The following FAT4 variants were observed in gnomAD, a reference collection of about 807,000 sequenced individuals.
The protein encoded by FAT4 is FAT atypical cadherin 4.
A neutral mutation model predicts 303.9 loss-of-function variants in FAT4; 84 were observed. The ratio of observed to expected loss-of-function variants is 0.28; its 90% CI spans 0.23 to 0.33. The LOEUF is 0.33. Among genes scored for constraint, FAT4 ranks in the 10% least tolerant of loss-of-function variants. The pLI, the probability that FAT4 is intolerant of heterozygous loss-of-function variation, is 1.00. For missense variants in FAT4, 6,005 were observed against 6,146.8 expected, an observed-to-expected ratio of 0.98 and a Z score of 0.77; for synonymous variants, 2,307 against 2,298.8, an observed-to-expected ratio of 1.00 and a Z score of -0.10.
chr4:125,440,644 A>AGAGAGAGAGAGAGAGAGAGAG (rs1385928096), intron 8 of FAT4, among the ~76,000 whole-genome samples: 1 of 149,682 alleles, frequency 6.7e-6, no homozygotes, highest in African/African-American at 2.5e-5. Context: ...AGAGAGAGAG[A>AGAGAGAGAGAGAGAGAGAGAG]ATTTATTCCA....
chr4:125,385,824 T>A (rs529366718), intron 2 of FAT4, among the ~76,000 whole-genome samples: 6 of 152,202 alleles, frequency 3.9e-5, no homozygotes, highest in Non-Finnish European at 8.8e-5. Flanking sequence ...AGTCAATTTT[T>A]AAAAAAAATT....
intron 2 of FAT4, among the ~76,000 whole-genome samples, chr4:125,374,722 A>G (rs867046361): frequency 6.6e-6 from 1 of 152,194 alleles, no homozygotes; most frequent in Admixed American, 6.6e-5. Context: ...ATAGTATTGC[A>G]TCAATATTTG....
intron 14 of FAT4, among the ~76,000 whole-genome samples, chr4:125,478,076 T>C (rs1308870067): frequency 6.6e-6 from 1 of 152,210 alleles, no homozygotes; most frequent in African/African-American, 2.4e-5. Flanking sequence ...TTTATTAATA[T>C]ACCAATTACC....
rs1406196386 is a variant in FAT4 at position 125,318,982 on chromosome 4, A to G, written c.2571A>G (p.Glu857=). The change falls in exon 2 of 18, where the codon GAA becomes GAG. Residue 857 remains glutamate (E), a synonymous_variant. Coordinates refer to ENST00000394329, the MANE Select transcript of FAT4 (RefSeq NM_001291303.3). ...QLTTANVIDR[E]EQSFYQLKVV... is the part of the protein sequence containing the mutation. The stretch of plus-strand genomic sequence containing the variant: ...CCACAGCAAATGTGATTGATAGAGA[A>G]GAGCAATCCTTTTATCAGCTGAAGG... 2.5e-6 allele frequency: 4 copies of G among 1,614,086 alleles called. No individual in the cohort carries two copies. In the African/African-American group the frequency reaches 5.3e-5, roughly 22 times the overall value.
intron 2 of FAT4, among the ~76,000 whole-genome samples, chr4:125,352,677 C>A (rs1030855390): frequency 2.6e-5 from 4 of 151,752 alleles, no homozygotes; most frequent in African/African-American, 7.2e-5. Context: ...GAGACAAGTT[C>A]TTCAGATTGC....
chr4:125,376,511 A>G (rs941175958), intron 2 of FAT4, among the ~76,000 whole-genome samples: 2 of 152,180 alleles, frequency 1.3e-5, no homozygotes, highest in Admixed American at 1.3e-4. Context: ...TGACGAGTTA[A>G]TGGGTGCAGT....
chr4:125,421,108 G>C (rs1724861622), intron 7 of FAT4, among the ~76,000 whole-genome samples: 1 of 152,070 alleles, frequency 6.6e-6, no homozygotes, highest in African/African-American at 2.4e-5. Flanking sequence ...TATTTTAGTA[G>C]AGACAGGGTT....
At position 125,492,411 on chromosome 4, in the gene FAT4, T is replaced by C. The variant is rs1727685043; in HGVS notation, c.*643T>C. 6.6e-6 allele frequency: 1 copy of C among 152,384 alleles called. No individual in the cohort carries two copies. Among genetic ancestry groups the C allele is most frequent in the Non-Finnish European group, 1.5e-5 (1 of 68,158 alleles). The allele number at this position is 152,384 out of a possible 1,614,324, so 9.4% of individuals were successfully genotyped here. On this transcript the variant is annotated 3_prime_UTR_variant, in exon 18 of 18. Transcript: ENST00000394329. ...TTCTGGATCCTTGAGCAAATGATTATAGTCTCCTGACTTTCATGAGGCTTC... is the reference window on the plus strand; with the variant it reads ...TTCTGGATCCTTGAGCAAATGATTACAGTCTCCTGACTTTCATGAGGCTTC...
rs1578680229 is a variant in FAT4, at chr4:125,468,639, C to T, written c.12033C>T (p.Ala4011=). Residue 4011 remains alanine (A), a synonymous_variant, in exon 12 of 18, where the codon GCC becomes GCT. Transcript: ENST00000394329. The part of the protein sequence containing the change: ...YVKFATIKSH[A]LLLYNYDNQT... Reference sequence around the variant, plus strand: ...AATTTGCCACGATTAAAAGTCATGCCTTATTGCTTTACAACTATGACAACC... The same window carrying T: ...AATTTGCCACGATTAAAAGTCATGCTTTATTGCTTTACAACTATGACAACC... 1.2e-6 allele frequency: 2 copies of T among 1,614,066 alleles called. No individual in the cohort carries two copies. The highest frequency in any genetic ancestry group is 4.5e-5 in the East Asian group (2 of 44,868).
At chr4:125,374,698 T>C (rs895670819) in intron 2 of FAT4, among the ~76,000 whole-genome samples, 1 of 152,186 alleles carries the variant, frequency 6.6e-6, no homozygotes, top group Non-Finnish European at 1.5e-5. Flanking sequence ...TCTAACCCAG[T>C]GAAGTATGCA....
chr4:125,382,415 T>G (rs1027464717), intron 2 of FAT4, among the ~76,000 whole-genome samples: 1 of 152,226 alleles, frequency 6.6e-6, no homozygotes, highest in South Asian at 2.1e-4. Context: ...AGCTCTTGGA[T>G]GACCAGGTAG....
intron 2 of FAT4, among the ~76,000 whole-genome samples, chr4:125,368,325 A>T (rs1296712429): frequency 6.6e-6 from 1 of 151,992 alleles, no homozygotes; most frequent in Non-Finnish European, 1.5e-5. Context: ...GGGAAGCTCC[A>T]TAGCATTAGT....
chr4:125,440,581 T>TTGTGTGTGTG (rs768799104), intron 8 of FAT4, among the ~76,000 whole-genome samples: 1 of 117,646 alleles, frequency 8.5e-6, no homozygotes, highest in African/African-American at 3.7e-5. Flanking sequence ...TTCTCAGTAC[T>TTGTGTGTGTG]TGTGTGTGTG....
At chr4:125,322,722 T>TTTA (rs914943901) in intron 2 of FAT4, among the ~76,000 whole-genome samples, 2 of 151,416 alleles carry the variant, frequency 1.3e-5, no homozygotes, top group Non-Finnish European at 2.9e-5. Flanking sequence ...TAAATGATAA[T>TTTA]TTATTATTAT....
At chr4:125,441,270 A>G (rs1434671648) in intron 8 of FAT4, among the ~76,000 whole-genome samples, 1 of 152,214 alleles carries the variant, frequency 6.6e-6, no homozygotes, top group Non-Finnish European at 1.5e-5. Context: ...GAATAGGTGG[A>G]AAGAATAGTA....
intron 2 of FAT4, among the ~76,000 whole-genome samples, chr4:125,373,476 C>A (rs1415883147): frequency 6.6e-6 from 1 of 152,042 alleles, no homozygotes; most frequent in East Asian, 1.9e-4. Flanking sequence ...AATAAATGCT[C>A]CTTCTAGTTT....
chr4:125,480,891 T>C (rs1303854657), intron 15 of FAT4, among the ~76,000 whole-genome samples: 1 of 152,078 alleles, frequency 6.6e-6, no homozygotes, highest in Non-Finnish European at 1.5e-5. Flanking sequence ...TGAAATCCAT[T>C]TGAGCTCATT....
rs1039129915 is a variant in FAT4 at position 125,384,810 on chromosome 4, G to A, written c.5176-13974G>A. ...AACACCTGGGTATTTTGTATCCTAAGCAACAAGCAAAGGGCCTGAGCTCTA... is the reference window on the plus strand; with the variant it reads ...AACACCTGGGTATTTTGTATCCTAAACAACAAGCAAAGGGCCTGAGCTCTA... On this transcript the variant is annotated intron_variant, in intron 2 of 17. Coordinates refer to ENST00000394329, the MANE Select transcript of FAT4 (RefSeq NM_001291303.3). Among the ~76,000 whole-genome samples the A allele has an allele frequency of 4.0e-5, 6 of 151,796 alleles. 2 individuals are homozygous for A. The highest frequency in any genetic ancestry group is 3.9e-4 in the Admixed American group (6 of 15,234).
chr4:125,411,344 C>T (rs556759606), intron 5 of FAT4, among the ~76,000 whole-genome samples: 130 of 152,024 alleles, frequency 8.6e-4, no homozygotes, highest in African/African-American at 3.0e-3. Context: ...GAGGAAATAT[C>T]GGAGCATCAC....
Sources: allele counts gnomAD v4.1 joint callset (sites outside exome capture counted in the v4.1 genomes callset), GRCh38; gene constraint gnomAD v4.1.1; transcripts MANE v1.5; gene names NCBI Gene and HGNC (gene_info 2026-07-23, HGNC 2026-07-21).